KLHL29: variants seen among roughly 807,000 people sequenced by gnomAD.
KLHL29 encodes the protein kelch like family member 29, also known as kelch-like protein 29.
A neutral mutation model predicts 80.4 loss-of-function variants in KLHL29; 21 were observed. The observed-to-expected ratio is 0.26, with a 90% confidence interval of 0.19 to 0.38. The LOEUF (loss-of-function observed/expected upper bound fraction) is 0.38, where lower values mean the gene tolerates loss of function less well. Ranked by LOEUF, KLHL29 falls within the 10% of genes least tolerant of loss-of-function variation. The pLI is 1.00. For synonymous variants in KLHL29, 511 were observed against 526.8 expected (o/e 0.97, Z 0.41); for missense variants, 867 against 1,223.9 (o/e 0.71, Z 4.35).
intron 3 of KLHL29, among the ~76,000 whole-genome samples, chr2:23,599,766 GTT>G (rs1553342422): frequency 6.6e-6 from 1 of 152,188 alleles, no homozygotes; most frequent in Non-Finnish European, 1.5e-5. Context: ...GTGCATTACT[GTT>G]TGTAATTTAA....
Position 23,707,660 on chromosome 2 carries a change from C to A in KLHL29, c.*996C>A, listed in dbSNP as rs1672814152. The A allele has an allele frequency of 6.6e-6, 1 of 152,378 alleles. No individual in the cohort carries two copies. The highest frequency in any genetic ancestry group is 6.5e-5 in the Admixed American group (1 of 15,300). The allele number at this position is 152,378 out of a possible 1,614,324, so 9.4% of individuals were successfully genotyped here. The stretch of plus-strand genomic sequence containing the variant: ...TCTGGCTCAGGACACCGGCCCAGCT[C>A]CCTCCATGAGGTCAAGCTGAGGACC... On this transcript the variant is annotated 3_prime_UTR_variant, in exon 14 of 14. Coordinates refer to ENST00000486442, the MANE Select transcript of KLHL29 (RefSeq NM_052920.2).
intron 3 of KLHL29, among the ~76,000 whole-genome samples, chr2:23,595,654 G>A (rs746646450): frequency 1.2e-4 from 19 of 152,326 alleles, no homozygotes; most frequent in East Asian, 1.9e-4. Context: ...GTAGAGGGGA[G>A]CAGTGTCCTG....
chr2:23,577,500 A>C (rs987714886), intron 3 of KLHL29, among the ~76,000 whole-genome samples: 10 of 151,370 alleles, frequency 6.6e-5, no homozygotes, highest in African/African-American at 2.4e-4. Context: ...TAATCTCAAC[A>C]CTTCGGGAGG....
chr2:23,480,938 T>C (rs1664781508), intron 2 of KLHL29, among the ~76,000 whole-genome samples: 1 of 152,208 alleles, frequency 6.6e-6, no homozygotes, highest in African/African-American at 2.4e-5. Context: ...GGGAGAGGTG[T>C]CTCTGATTCC....
chr2:23,670,641 AT>A (rs1418918566), intron 5 of KLHL29, among the ~76,000 whole-genome samples: 1 of 152,114 alleles, frequency 6.6e-6, no homozygotes, highest in Non-Finnish European at 1.5e-5. Context: ...GCCTATTAAG[AT>A]TTTCTAATAT....
intron 3 of KLHL29, among the ~76,000 whole-genome samples, chr2:23,573,296 C>T (rs1050252074): frequency 6.6e-6 from 1 of 152,208 alleles, no homozygotes; most frequent in South Asian, 2.1e-4. Flanking sequence ...ATTTAAGGCA[C>T]TCATCTAGTA....
chr2:23,454,913 G>T (rs1664000776), intron 1 of KLHL29, among the ~76,000 whole-genome samples: 1 of 151,522 alleles, frequency 6.6e-6, no homozygotes, highest in Admixed American at 6.6e-5. Flanking sequence ...CTTGGCACTT[G>T]GCATGGAATT....
At position 23,708,247 on chromosome 2, in the gene KLHL29, T is replaced by C. The variant is rs1202364613; in HGVS notation, c.*1583T>C. On this transcript the variant is annotated 3_prime_UTR_variant, in exon 14 of 14. Coordinates refer to ENST00000486442, the MANE Select transcript of KLHL29 (RefSeq NM_052920.2). ...AGCTTCGTTATGCAGTTTTTAATATTATTTATTATTTTAAAAAGTAATAAG... is the reference window on the plus strand; with the variant it reads ...AGCTTCGTTATGCAGTTTTTAATATCATTTATTATTTTAAAAAGTAATAAG... The C allele has an allele frequency of 6.6e-6, 1 of 152,230 alleles. No homozygotes were observed. Among genetic ancestry groups the C allele is most frequent in the East Asian group, 1.9e-4 (1 of 5,196 alleles). The allele number at this position is 152,230 out of a possible 1,614,324, so 9.4% of individuals were successfully genotyped here.
chr2:23,455,425 C>G (rs1002232031), intron 1 of KLHL29, among the ~76,000 whole-genome samples: 3 of 152,074 alleles, frequency 2.0e-5, no homozygotes, highest in African/African-American at 7.2e-5. Flanking sequence ...TTGGTTTGGT[C>G]TGTTGTTAGT....
chr2:23,403,313 T>C (rs949483527), intron 1 of KLHL29, among the ~76,000 whole-genome samples: 1 of 152,180 alleles, frequency 6.6e-6, no homozygotes. Flanking sequence ...CAGGCCGCCA[T>C]GTAGAAGAAA....
intron 5 of KLHL29, among the ~76,000 whole-genome samples, chr2:23,646,101 C>T (rs1038334519): frequency 3.9e-5 from 6 of 152,086 alleles, no homozygotes; most frequent in African/African-American, 1.4e-4. Flanking sequence ...TTCATGTGTG[C>T]AAAGTGATAA....
intron 2 of KLHL29, among the ~76,000 whole-genome samples, chr2:23,532,841 C>T (rs953257232): frequency 3.3e-5 from 5 of 152,252 alleles, no homozygotes; most frequent in African/African-American, 9.6e-5. Context: ...AGGATTGGCC[C>T]GGCTCCAGGC....
intron 2 of KLHL29, among the ~76,000 whole-genome samples, chr2:23,509,450 A>T (rs1665705028): frequency 6.6e-6 from 1 of 152,000 alleles, no homozygotes; most frequent in East Asian, 1.9e-4. Context: ...TGGGAGAGTG[A>T]GGGACAGGGG....
intron 1 of KLHL29, among the ~76,000 whole-genome samples, chr2:23,448,530 C>G (rs1258120087): frequency 6.6e-6 from 1 of 152,160 alleles, no homozygotes; most frequent in African/African-American, 2.4e-5. Flanking sequence ...CCTAGAGGAG[C>G]AGGATGGAGG....
At chr2:23,386,307 C>T (rs1210055583) in intron 1 of KLHL29, among the ~76,000 whole-genome samples, 2 of 152,174 alleles carry the variant, frequency 1.3e-5, no homozygotes, top group African/African-American at 4.8e-5. Flanking sequence ...CCCTCGCGTC[C>T]TCTGATCTCG....
At chr2:23,519,143 C>CT (rs1433835921) in intron 2 of KLHL29, among the ~76,000 whole-genome samples, 1 of 152,104 alleles carries the variant, frequency 6.6e-6, no homozygotes, top group Non-Finnish European at 1.5e-5. Flanking sequence ...TGCCCAGAGG[C>CT]TATGTCAGAA....
At chr2:23,670,917 G>GCGCGCACTCTCTCTCTCTCT in intron 5 of KLHL29, among the ~76,000 whole-genome samples, 1 of 18,566 alleles carries the variant, frequency 5.4e-5, no homozygotes, top group Non-Finnish European at 1.2e-4. Context: ...ACATGCACGC[G>GCGCGCACTCTCTCTCTCTCT]CTCTCTCTCT....
intron 5 of KLHL29, chr2:23,668,838 C>T (rs1670627795): frequency 6.6e-6 from 1 of 152,542 alleles, no homozygotes; most frequent in South Asian, 2.1e-4. Flanking sequence ...GGGCCACCCT[C>T]AGTCCCTTCC....
intron 1 of KLHL29, among the ~76,000 whole-genome samples, chr2:23,396,521 G>T (rs1039167598): frequency 6.6e-6 from 1 of 152,292 alleles, no homozygotes; most frequent in Non-Finnish European, 1.5e-5. Flanking sequence ...ATTAAGGGCC[G>T]TGGAGTTTGG....
Sources: allele counts gnomAD v4.1 joint callset (sites outside exome capture counted in the v4.1 genomes callset), GRCh38; gene constraint gnomAD v4.1.1; transcripts MANE v1.5; gene names NCBI Gene and HGNC (gene_info 2026-07-23, HGNC 2026-07-21).